XKR4: variants seen among roughly 807,000 people sequenced by gnomAD.
XKR4 encodes the protein XK related 4.
In XKR4, 12 loss-of-function variants were observed where a neutral mutation model predicts 53.9. The observed-to-expected ratio is 0.22, with a 90% CI of 0.14 to 0.36. The LOEUF is 0.36. Among genes scored for constraint, XKR4 ranks in the 10% least tolerant of loss-of-function variants. The pLI is 1.00. For missense variants in XKR4, 799 were observed against 859.5 expected (o/e 0.93, Z 0.88); for synonymous variants, 354 against 362.4 (o/e 0.98, Z 0.26).
At chr8:55,297,676 C>T (rs1819120075) in intron 1 of XKR4, among the ~76,000 whole-genome samples, 2 of 152,156 alleles carry the variant, frequency 1.3e-5, no homozygotes, top group African/African-American at 4.8e-5. Context: ...AAAAATATTT[C>T]TCTAATGAAG....
rs760042527 is a variant in XKR4, at chr8:55,529,853, A to C, written c.*5626A>C. 8.5e-5 allele frequency: 13 copies of C among 152,274 alleles called. No homozygotes were observed. The highest frequency in any genetic ancestry group is 1.6e-4 in the Non-Finnish European group (11 of 68,026). 9.4% of individuals were successfully genotyped at this position (152,274 alleles called of 1,614,324 possible). A position where few individuals can be genotyped will look rare whatever the true frequency, so the allele number is the denominator to read the frequency against. Reference sequence around the variant, plus strand: ...AATGTAAAAGTCGATGTAAAATGGAAGTCTCTATCACCTGTAACTAAATTT... The same window carrying C: ...AATGTAAAAGTCGATGTAAAATGGACGTCTCTATCACCTGTAACTAAATTT... On this transcript the variant is annotated 3_prime_UTR_variant, in exon 3 of 3. Transcript: ENST00000327381.
intron 1 of XKR4, among the ~76,000 whole-genome samples, chr8:55,120,058 A>G (rs535589126): frequency 1.3e-5 from 2 of 152,344 alleles, no homozygotes; most frequent in East Asian, 1.9e-4. Flanking sequence ...ACAATGGTGC[A>G]TGAACATGTG....
intron 2 of XKR4, among the ~76,000 whole-genome samples, chr8:55,385,638 G>A (rs1248692467): frequency 2.0e-5 from 3 of 152,160 alleles, no homozygotes; most frequent in Non-Finnish European, 4.4e-5. Context: ...GATAGAGCAG[G>A]CTTCCAAGAA....
intron 1 of XKR4, among the ~76,000 whole-genome samples, chr8:55,316,830 A>T (rs1295053930): frequency 6.6e-6 from 1 of 152,258 alleles, no homozygotes; most frequent in Admixed American, 6.5e-5. Context: ...TGATGGAAAC[A>T]TAAAGGAATT....
rs551699889 is a variant in XKR4, at chr8:55,265,240, T to C, written c.807-92438T>C. 3.3e-5 allele frequency among the ~76,000 whole-genome samples: 5 copies of C among 152,214 alleles called. No homozygotes were observed. The South Asian group carries it at 8.3e-4, about 25-fold the overall frequency. On this transcript the variant is annotated intron_variant, in intron 1 of 2. Coordinates refer to ENST00000327381, the MANE Select transcript of XKR4 (RefSeq NM_052898.2). ...CACTAGCAGTGTCCTCTCTGCAGAG[T>C]GTTTTCCAACTGGTCAGGAAATAAA... is the stretch of plus-strand genomic sequence containing the variant.
intron 2 of XKR4, among the ~76,000 whole-genome samples, chr8:55,418,752 T>C (rs1404586377): frequency 6.6e-6 from 1 of 152,194 alleles, no homozygotes; most frequent in African/African-American, 2.4e-5. Flanking sequence ...ATAGCGGCTG[T>C]TTCCTCTGCC....
intron 1 of XKR4, among the ~76,000 whole-genome samples, chr8:55,277,906 A>G (rs1818785860): frequency 6.6e-6 from 1 of 152,328 alleles, no homozygotes; most frequent in Non-Finnish European, 1.5e-5. Context: ...ATAAAAAAAT[A>G]TGTGAATATT....
intron 2 of XKR4, among the ~76,000 whole-genome samples, chr8:55,511,845 C>T (rs2939676): frequency 1 from 151,972 of 152,324 alleles, 75,810 homozygotes; most frequent in East Asian, 1. Context: ...TTCTGTAGCT[C>T]GTACCTTTTA....
At chr8:55,492,008 T>C (rs1806279199) in intron 2 of XKR4, among the ~76,000 whole-genome samples, 1 of 152,200 alleles carries the variant, frequency 6.6e-6, no homozygotes, top group African/African-American at 2.4e-5. Flanking sequence ...CCCACAAAGT[T>C]CAGCCATCTC....
At chr8:55,176,624 A>G (rs2129359189) in intron 1 of XKR4, among the ~76,000 whole-genome samples, 1 of 152,360 alleles carries the variant, frequency 6.6e-6, no homozygotes, top group African/African-American at 2.4e-5. Flanking sequence ...ATAAATGTCC[A>G]GTTTCTCAAA....
chr8:55,105,640 T>G (rs1023641118), intron 1 of XKR4, among the ~76,000 whole-genome samples: 1 of 152,224 alleles, frequency 6.6e-6, no homozygotes, highest in Admixed American at 6.5e-5. Flanking sequence ...TAGATAAGTT[T>G]GAATTATCAT....
At chr8:55,261,348 G>A (rs1295641247) in intron 1 of XKR4, among the ~76,000 whole-genome samples, 2 of 152,122 alleles carry the variant, frequency 1.3e-5, no homozygotes, top group Non-Finnish European at 1.5e-5. Flanking sequence ...GATCTAACTA[G>A]CTCTAACATT....
chr8:55,224,580 G>T (rs1215281182), intron 1 of XKR4, among the ~76,000 whole-genome samples: 2 of 152,056 alleles, frequency 1.3e-5, no homozygotes, highest in African/African-American at 2.4e-5. Context: ...TGTGCTGTAT[G>T]GAACTTTAAT....
At chr8:55,450,076 GCAGCCTTC>G in intron 2 of XKR4, 2 of 734,860 alleles carry the variant, frequency 2.7e-6, no homozygotes, top group Non-Finnish European at 5.0e-6. Flanking sequence ...AAGGCGCCAT[GCAGCCTTC>G]ACGCGGTCCC....
At chr8:55,135,738 C>T in intron 1 of XKR4, 1 of 424,394 alleles carries the variant, frequency 2.4e-6, no homozygotes, top group East Asian at 7.1e-5. Context: ...TGGGCACCTT[C>T]CTGACCCCTG....
At chr8:55,261,688 C>T (rs1403093731) in intron 1 of XKR4, among the ~76,000 whole-genome samples, 1 of 152,102 alleles carries the variant, frequency 6.6e-6, no homozygotes, top group African/African-American at 2.4e-5. Context: ...TGGTTTGAAA[C>T]TAATAGGGAT....
intron 2 of XKR4, among the ~76,000 whole-genome samples, chr8:55,442,325 C>A (rs746518688): frequency 1.3e-5 from 2 of 152,122 alleles, no homozygotes. Context: ...AAAAGATAGA[C>A]CCTAACAAGT....
intron 1 of XKR4, among the ~76,000 whole-genome samples, chr8:55,241,899 A>C (rs1453682919): frequency 6.6e-6 from 1 of 152,206 alleles, no homozygotes; most frequent in Non-Finnish European, 1.5e-5. Context: ...TCTGCACATA[A>C]ACCTAGCTCT....
intron 1 of XKR4, among the ~76,000 whole-genome samples, chr8:55,255,669 T>C (rs1238479156): frequency 6.6e-6 from 1 of 152,142 alleles, no homozygotes; most frequent in African/African-American, 2.4e-5. Flanking sequence ...GTACAAGAAT[T>C]GTAATTAAAC....
Sources: gnomAD v4.1 joint callset for allele counts (sites outside exome capture counted in the v4.1 genomes callset) on GRCh38, gnomAD v4.1.1 for gene constraint, MANE v1.5 for transcripts, NCBI Gene and HGNC (gene_info 2026-07-23, HGNC 2026-07-21) for gene names.